RMST: variants seen among roughly 807,000 people sequenced by gnomAD.
RMST encodes rhabdomyosarcoma 2 associated transcript.
intron 10 of RMST, among the ~76,000 whole-genome samples, chr12:97,516,571 G>A (rs1322879829): frequency 1.3e-5 from 2 of 151,698 alleles, no homozygotes. Context: ...CTTACAATTA[G>A]GAGTGAAGGT....
chr12:97,503,563 A>T (rs1878329118), intron 10 of RMST, among the ~76,000 whole-genome samples: 8 of 152,164 alleles, frequency 5.3e-5, no homozygotes, highest in Admixed American at 5.2e-4. Context: ...AAGTCCACAG[A>T]CAAAAAAGAT....
rs537840796 is a variant in RMST, at chr12:97,524,075, CAA to C, written n.1341-6553_1341-6552del. Among the ~76,000 whole-genome samples, 425 of 56,074 alleles carry C rather than the reference CAA, an allele frequency of 7.6e-3. 25 individuals carry two copies. Among genetic ancestry groups the C allele is most frequent in the African/African-American group, 0.021 (273 of 12,916 alleles). The allele number at this position is 56,074 out of a possible 152,430, so 36.8% of individuals were successfully genotyped here. On this transcript the variant is annotated intron_variant and non_coding_transcript_variant, in intron 10 of 13. Coordinates refer to ENST00000640149, the Ensembl canonical transcript of RMST. ...TGGGCAACAGAGTGAGACTCTGTCTCAAAAAAAAAAAAAAAAAAAAAAAAAAA... is the reference window on the plus strand; with the variant it reads ...TGGGCAACAGAGTGAGACTCTGTCTCAAAAAAAAAAAAAAAAAAAAAAAAA...
At chr12:97,535,932 C>A (rs886680813) in intron 11 of RMST, among the ~76,000 whole-genome samples, 1 of 151,518 alleles carries the variant, frequency 6.6e-6, no homozygotes, top group Non-Finnish European at 1.5e-5. Flanking sequence ...TAGTTTAGTT[C>A]ATTGAAAACC....
exon 11 of RMST, chr12:97,530,731 G>A (rs966140846): frequency 3.3e-5 from 5 of 152,014 alleles, no homozygotes; most frequent in East Asian, 1.9e-4. Context: ...AAGTTTAATC[G>A]AAAAATTTGC....
intron 10 of RMST, among the ~76,000 whole-genome samples, chr12:97,522,689 A>G (rs1880636892): frequency 6.6e-6 from 1 of 152,186 alleles, no homozygotes; most frequent in South Asian, 2.1e-4. Flanking sequence ...AAAGATTAGA[A>G]ATACAAATGC....
At chr12:97,518,383 T>G (rs1437980970) in intron 10 of RMST, among the ~76,000 whole-genome samples, 1 of 152,202 alleles carries the variant, frequency 6.6e-6, no homozygotes, top group Non-Finnish European at 1.5e-5. Context: ...CACAGTTTCT[T>G]CCTGCTCTCT....
intron 5 of RMST, among the ~76,000 whole-genome samples, chr12:97,480,246 C>T (rs138206409): frequency 0.074 from 11,190 of 151,912 alleles, 555 homozygotes; most frequent in Middle Eastern, 0.14. Context: ...CCCACCACCA[C>T]GCCTGGCTAA....
Position 97,505,193 on chromosome 12 carries a change from C to T in RMST, n.1340+9137C>T, listed in dbSNP as rs140395725. ...CAATATAATGGTTTTTCTTAAGGCA[C>T]TTGCAAGAGCAATTAGAAATATATT... On this transcript the variant is annotated intron_variant and non_coding_transcript_variant, in intron 10 of 13. Transcript: ENST00000640149. Among the ~76,000 whole-genome samples the T allele has an allele frequency of 5.9e-5, 9 of 152,310 alleles. No individual in the cohort carries two copies. The East Asian group carries it at 1.4e-3, about 23-fold the overall frequency.
At chr12:97,477,574 A>G (rs1874705002) in intron 5 of RMST, among the ~76,000 whole-genome samples, 1 of 152,196 alleles carries the variant, frequency 6.6e-6, no homozygotes, top group African/African-American at 2.4e-5. Context: ...AGAAACATTA[A>G]AGGATAGAAA....
At chr12:97,463,152 G>A (rs1043622664) in exon 4 of RMST, 1 of 152,086 alleles carries the variant, frequency 6.6e-6, no homozygotes, top group African/African-American at 2.4e-5. Context: ...CCCGTCATAG[G>A]TTCTATGCAG....
chr12:97,480,276 G>T (rs1875111669), intron 5 of RMST, among the ~76,000 whole-genome samples: 1 of 151,888 alleles, frequency 6.6e-6, no homozygotes, highest in African/African-American at 2.4e-5. Context: ...ATTTTTAGTA[G>T]AGACGGGGTT....
intron 10 of RMST, among the ~76,000 whole-genome samples, chr12:97,506,271 G>T (rs1878653217): frequency 6.6e-6 from 1 of 152,042 alleles, no homozygotes; most frequent in Non-Finnish European, 1.5e-5. Context: ...TTTCTTTTAT[G>T]ACTGATTTAT....
At chr12:97,527,425 C>T (rs1272557050) in intron 10 of RMST, among the ~76,000 whole-genome samples, 1 of 152,142 alleles carries the variant, frequency 6.6e-6, no homozygotes, top group Non-Finnish European at 1.5e-5. Context: ...GCTTGCATGT[C>T]CTAGAGAAAG....
At chr12:97,491,663 A>C (rs1222539326) in intron 5 of RMST, 1 of 235,064 alleles carries the variant, frequency 4.3e-6, no homozygotes, top group African/African-American at 2.2e-5. Flanking sequence ...CTTGGGCAAT[A>C]CCAAATGTTG....
intron 13 of RMST, among the ~76,000 whole-genome samples, chr12:97,562,206 G>A (rs1884168455): frequency 6.6e-6 from 1 of 152,164 alleles, no homozygotes; most frequent in Non-Finnish European, 1.5e-5. Flanking sequence ...CAAACTTGTA[G>A]AAAGAACCCG....
At chr12:97,512,478 G>C (rs1227416831) in intron 10 of RMST, among the ~76,000 whole-genome samples, 1 of 152,148 alleles carries the variant, frequency 6.6e-6, no homozygotes, top group Non-Finnish European at 1.5e-5. Context: ...TTTTGACAGG[G>C]CACTGATTGG....
chr12:97,481,234 C>T (rs1875236991), intron 5 of RMST, among the ~76,000 whole-genome samples: 1 of 152,054 alleles, frequency 6.6e-6, no homozygotes, highest in Non-Finnish European at 1.5e-5. Context: ...TCTCTTATGA[C>T]ATCCATACTT....
At chr12:97,557,384 G>A (rs1458836612) in intron 11 of RMST, among the ~76,000 whole-genome samples, 2 of 152,042 alleles carry the variant, frequency 1.3e-5, no homozygotes, top group African/African-American at 4.8e-5. Flanking sequence ...CCATGTGTGA[G>A]GTGTGCATAC....
At chr12:97,541,481 G>A (rs1882511975) in intron 11 of RMST, 1 of 151,726 alleles carries the variant, frequency 6.6e-6, no homozygotes, top group African/African-American at 2.4e-5. Context: ...AAGGTGGATA[G>A]AATTAGTTTC....
Sources: gnomAD v4.1 joint callset for allele counts (sites outside exome capture counted in the v4.1 genomes callset) on GRCh38, gnomAD v4.1.1 for gene constraint, MANE v1.5 for transcripts, NCBI Gene and HGNC (gene_info 2026-07-23, HGNC 2026-07-21) for gene names.